Variants in MAP3K15 observed in about 807,000 individuals in gnomAD.
MAP3K15 encodes mitogen-activated protein kinase kinase kinase 15.
MAP3K15 carries 124 observed loss-of-function variants against 99.5 expected under a neutral mutation model. That is an observed-to-expected ratio of 1.25 (90% CI 1.08 to 1.45). The LOEUF (loss-of-function observed/expected upper bound fraction) is 1.45. Ranked by LOEUF, MAP3K15 falls within the 40% of genes most tolerant of loss-of-function variation. The probability of loss-of-function intolerance (pLI) is 0.00; values close to 1 mark genes in which losing one functional copy is unlikely to be tolerated. For missense variants in MAP3K15, 1,242 were observed against 1,079.7 expected, an observed-to-expected ratio of 1.15 and a Z score of -2.11; for synonymous variants, 494 against 439.6, an observed-to-expected ratio of 1.12 and a Z score of -1.55.
chrX:19,434,830 T>C (rs1487005854), intron 6 of MAP3K15, among the ~76,000 whole-genome samples: 1 of 111,765 alleles, frequency 8.9e-6, no homozygotes, highest in African/African-American at 3.2e-5. Context: ...CCAACCTGGG[T>C]TGGAAAGGGC....
chrX:19,469,481 T>C (rs1471163462), intron 3 of MAP3K15, among the ~76,000 whole-genome samples: 3 of 111,459 alleles, frequency 2.7e-5, no homozygotes, highest in Non-Finnish European at 3.8e-5. Context: ...TTTCAGGACA[T>C]AGGCATGGGC....
intron 1 of MAP3K15, 78 bp downstream of exon 1, chrX:19,514,823 C>G (rs866030282): frequency 8.4e-5 from 22 of 260,627 alleles, no homozygotes; most frequent in East Asian, 6.4e-4. Context: ...GGGAGAAGGG[C>G]GAGGGGGCGG....
chrX:19,484,126 C>T (rs751014292), intron 3 of MAP3K15, among the ~76,000 whole-genome samples: 27 of 111,692 alleles, frequency 2.4e-4, no homozygotes, highest in South Asian at 1.9e-3. Context: ...CCCCAACCCC[C>T]GGGGCCATGG....
intron 3 of MAP3K15, among the ~76,000 whole-genome samples, chrX:19,485,484 G>A (rs1399439664): frequency 9.1e-6 from 1 of 109,978 alleles, no homozygotes; most frequent in Non-Finnish European, 1.9e-5. Flanking sequence ...AGGCCTGCTT[G>A]TAAAATTCAT....
intron 1 of MAP3K15, among the ~76,000 whole-genome samples, chrX:19,514,581 G>C (rs1182964572): frequency 5.9e-5 from 1 of 17,019 alleles, no homozygotes; most frequent in Non-Finnish European, 1.0e-4. Flanking sequence ...GGGGACTAGG[G>C]GAAGGGGAGG....
intron 25 of MAP3K15, among the ~76,000 whole-genome samples, chrX:19,364,630 G>A (rs1483820729): frequency 1.8e-5 from 2 of 111,469 alleles, no homozygotes; most frequent in Admixed American, 1.9e-4. Flanking sequence ...GCCGGGTGCG[G>A]CAGCTCAAGC....
At chrX:19,457,926 T>C (rs958252397) in intron 5 of MAP3K15, among the ~76,000 whole-genome samples, 2 of 111,746 alleles carry the variant, frequency 1.8e-5, no homozygotes, top group African/African-American at 6.5e-5. Flanking sequence ...TGAAAATGTC[T>C]CCAGACACTG....
At position 19,431,055 on chromosome X, in the gene MAP3K15, T is replaced by G. The variant is rs914267025; in HGVS notation, c.1166+383A>C. 4.5e-5 allele frequency among the ~76,000 whole-genome samples: 5 copies of G among 111,731 alleles called. No homozygotes were observed. The East Asian group carries it at 1.4e-3, about 31-fold the overall frequency. ...CTGTATCCCCACCACCTAGAAAAGT[T>G]TCTGGCACACAGTAAGCCATCACTG... On this transcript the variant is annotated intron_variant, in intron 7 of 28. Transcript: ENST00000338883.
chrX:19,361,738 C>T (rs999202196), intron 26 of MAP3K15, 145 bp from the exon 27 acceptor site: 11 of 399,059 alleles, frequency 2.8e-5, no homozygotes, highest in East Asian at 4.1e-5. Flanking sequence ...CACGCTAATA[C>T]GTATTACACA....
rs190438565 is a variant in MAP3K15 at position 19,398,422 on chromosome X, G to A, written c.1933-63C>T. On this transcript the variant is annotated intron_variant, in intron 14 of 28. Transcript: ENST00000338883. Reference sequence around the variant, plus strand: ...ACTTGTAGCGGAGAAGCCCTCTAAGGCCCCCAGAGTTGTCTAGCAACTAAA... The same window carrying A: ...ACTTGTAGCGGAGAAGCCCTCTAAGACCCCCAGAGTTGTCTAGCAACTAAA... The A allele has an allele frequency of 1.6e-4, 185 of 1,136,248 alleles. 1 individual carries two copies. In the African/African-American group the frequency reaches 3.1e-3, roughly 19 times the overall value. 93.6% of individuals were successfully genotyped at this position (1,136,248 alleles called of 1,213,427 possible).
At chrX:19,413,678 G>C (rs1422117080) in intron 10 of MAP3K15, among the ~76,000 whole-genome samples, 1 of 42,389 alleles carries the variant, frequency 2.4e-5, no homozygotes, top group Non-Finnish European at 3.5e-5. Context: ...GCCATCTCTT[G>C]GGGGGGGGGG....
At chrX:19,403,915 T>C (rs930516899) in intron 13 of MAP3K15, among the ~76,000 whole-genome samples, 6 of 111,887 alleles carry the variant, frequency 5.4e-5, no homozygotes, top group Admixed American at 4.8e-4. Flanking sequence ...GCTGCTAACA[T>C]CATACTTAAT....
chrX:19,427,145 AT>A (rs66775152), intron 7 of MAP3K15, among the ~76,000 whole-genome samples: 14 of 102,684 alleles, frequency 1.4e-4, no homozygotes, highest in East Asian at 3.0e-4. Context: ...ACACCTATGC[AT>A]TTTTTTTTTC....
chrX:19,474,990 C>A (rs1213153874), intron 3 of MAP3K15, among the ~76,000 whole-genome samples: 1 of 110,779 alleles, frequency 9.0e-6, no homozygotes, highest in East Asian at 2.8e-4. Context: ...TTCCACGGAC[C>A]AGGTGGGCAG....
chrX:19,486,236 A>G (rs1310062191), intron 3 of MAP3K15, among the ~76,000 whole-genome samples: 2 of 111,759 alleles, frequency 1.8e-5, no homozygotes, highest in Non-Finnish European at 3.8e-5. Flanking sequence ...CCAGCAGGTA[A>G]TGAAGAACAT....
intron 3 of MAP3K15, among the ~76,000 whole-genome samples, chrX:19,475,385 C>A (rs1292213747): frequency 9.0e-6 from 1 of 111,433 alleles, no homozygotes; most frequent in South Asian, 3.8e-4. Flanking sequence ...TCGCTGCTCA[C>A]CTCCTGCTGT....
intron 1 of MAP3K15, among the ~76,000 whole-genome samples, chrX:19,494,208 C>A (rs1311714074): frequency 9.0e-6 from 1 of 111,220 alleles, no homozygotes; most frequent in African/African-American, 3.3e-5. Context: ...TGCCTGAAGT[C>A]CCAGCTACTC....
intron 16 of MAP3K15, among the ~76,000 whole-genome samples, chrX:19,394,837 A>ATTTTTTTTTTTT (rs1481087841): frequency 2.1e-5 from 1 of 46,801 alleles, no homozygotes; most frequent in African/African-American, 1.5e-4. Context: ...TTTTTTTTTA[A>ATTTTTTTTTTTT]AAAGAGTGAT....
In MAP3K15 at chrX:19,514,978, C is replaced by T. The variant is rs866103370; in HGVS notation, c.284G>A (p.Gly95Asp). Residue 95 changes from glycine to aspartate, a missense_variant, in exon 1 of 29, where the codon GGC (glycine) becomes GAC (aspartate). By Grantham distance (94) the Gly-to-Asp change is moderately conservative. Coordinates refer to ENST00000338883, the MANE Select transcript of MAP3K15 (RefSeq NM_001001671.4). ...QCLLRACEAE[G>D]AHLTSVPFGE... ...GAAGGGCACGGAGGTGAGGTGAGCG[C>T]CCTCGGCCTCGCAGGCCCGCAGCAG... 1.8e-6 allele frequency: 2 copies of T among 1,133,154 alleles called. No individual in the cohort carries two copies. The highest frequency in any genetic ancestry group is 2.3e-6 in the Non-Finnish European group (2 of 862,459). The allele number at this position is 1,133,154 out of a possible 1,213,427, so 93.4% of individuals were successfully genotyped here.
Sources: gnomAD v4.1 joint callset for allele counts (sites outside exome capture counted in the v4.1 genomes callset) on GRCh38, gnomAD v4.1.1 for gene constraint, MANE v1.5 for transcripts, NCBI Gene and HGNC (gene_info 2026-07-23, HGNC 2026-07-21) for gene names.